Variants in NELL1 observed in about 807,000 individuals in gnomAD.
The protein encoded by NELL1 is protein kinase C-binding protein NELL1.
A neutral mutation model predicts 107.4 loss-of-function variants in NELL1; 76 were observed. The ratio of observed to expected loss-of-function variants is 0.71; its 90% confidence interval spans 0.59 to 0.86. The LOEUF is 0.86. Ranked by LOEUF, NELL1 falls within the 40% of genes least tolerant of loss-of-function variation. The pLI is 0.00. For missense variants in NELL1, 1,024 were observed against 1,005.5 expected (o/e 1.02, Z -0.25); for synonymous variants, 353 against 341.2 (o/e 1.03, Z -0.38).
intron 7 of NELL1, among the ~76,000 whole-genome samples, chr11:20,923,600 ACTCTGTCCTGCTATCAGATCCCAACTG>A (rs1850428025): frequency 6.6e-6 from 1 of 152,202 alleles, no homozygotes; most frequent in Non-Finnish European, 1.5e-5. Context: ...ATAGGGTCAG[ACTCTGTCCTGCTATCAGATCCCAACTG>A]CACTGTAATC....
intron 15 of NELL1, among the ~76,000 whole-genome samples, chr11:21,378,708 C>T (rs2133765040): frequency 7.0e-6 from 1 of 142,884 alleles, no homozygotes; most frequent in Non-Finnish European, 1.5e-5. Context: ...TAGACACACA[C>T]ACTTGTACAT....
intron 14 of NELL1, among the ~76,000 whole-genome samples, chr11:21,325,423 A>G (rs1850109004): frequency 1.3e-5 from 2 of 152,044 alleles, no homozygotes; most frequent in South Asian, 4.1e-4. Flanking sequence ...CTAAGGCTAC[A>G]CCAATTTAGT....
At position 20,919,180 on chromosome 11, in the gene NELL1, C is replaced by T. The variant is rs907297539; in HGVS notation, c.677-72C>T. 42 of 915,494 alleles carry T rather than the reference C, an allele frequency of 4.6e-5. No homozygotes were observed. The African/African-American group carries it at 7.1e-4, about 15-fold the overall frequency. 56.7% of individuals were successfully genotyped at this position (915,494 alleles called of 1,614,324 possible). ...AAAACTCTTCTACATAGTCACGTAT[C>T]TACTGTTTTAAAATTTTATTTCTTA... On this transcript the variant is annotated intron_variant, in intron 6 of 19. Coordinates refer to ENST00000357134, the MANE Select transcript of NELL1 (RefSeq NM_006157.5).
At chr11:21,432,049 T>C (rs1217584391) in intron 15 of NELL1, among the ~76,000 whole-genome samples, 1 of 152,180 alleles carries the variant, frequency 6.6e-6, no homozygotes, top group African/African-American at 2.4e-5. Flanking sequence ...GAGGCAATTA[T>C]AACAGTGTAT....
intron 15 of NELL1, among the ~76,000 whole-genome samples, chr11:21,389,568 A>G (rs988518321): frequency 2.6e-5 from 4 of 151,746 alleles, no homozygotes; most frequent in African/African-American, 9.7e-5. Flanking sequence ...ACTTTTGAAA[A>G]CTATGATATG....
chr11:21,385,620 C>CAGAAA (rs1851727008), intron 15 of NELL1, among the ~76,000 whole-genome samples: 4 of 151,902 alleles, frequency 2.6e-5, no homozygotes, highest in Non-Finnish European at 5.9e-5. Context: ...CCCAGTCTTA[C>CAGAAA]TCCTCCCTCA....
intron 2 of NELL1, among the ~76,000 whole-genome samples, chr11:20,700,033 G>T (rs2511366): frequency 0.27 from 29,083 of 105,960 alleles, 3,097 homozygotes; most frequent in African/African-American, 0.35. Context: ...TGATAATTAG[G>T]GACGTAGAAC....
chr11:21,187,009 A>G (rs897878132), intron 13 of NELL1, among the ~76,000 whole-genome samples: 1 of 151,886 alleles, frequency 6.6e-6, no homozygotes, highest in Non-Finnish European at 1.5e-5. Context: ...GTGAAATAGA[A>G]ATAATAATAT....
At chr11:21,117,897 C>T (rs1234005602) in intron 13 of NELL1, among the ~76,000 whole-genome samples, 1 of 151,928 alleles carries the variant, frequency 6.6e-6, no homozygotes, top group Non-Finnish European at 1.5e-5. Context: ...CTAGTTCCAT[C>T]CATCCACAAA....
chr11:21,225,341 T>C (rs1299696451), intron 13 of NELL1, among the ~76,000 whole-genome samples: 2 of 152,314 alleles, frequency 1.3e-5, no homozygotes, highest in African/African-American at 4.8e-5. Context: ...GATCAGGGCC[T>C]GTAAGGGCTG....
At chr11:21,517,548 G>A (rs1391076481) in intron 15 of NELL1, among the ~76,000 whole-genome samples, 1 of 152,134 alleles carries the variant, frequency 6.6e-6, no homozygotes, top group Non-Finnish European at 1.5e-5. Flanking sequence ...TCTTCGGAAT[G>A]TATGACCTTG....
intron 13 of NELL1, among the ~76,000 whole-genome samples, chr11:21,120,996 G>A (rs757205822): frequency 1.3e-5 from 2 of 152,102 alleles, no homozygotes; most frequent in Non-Finnish European, 2.9e-5. Context: ...CTTTATGGCA[G>A]AGATTCCCAA....
intron 12 of NELL1, among the ~76,000 whole-genome samples, chr11:21,084,468 A>T (rs1312465585): frequency 6.6e-6 from 1 of 152,202 alleles, no homozygotes; most frequent in East Asian, 1.9e-4. Flanking sequence ...GTTAACTCTT[A>T]TAGTGATCGC....
intron 10 of NELL1, among the ~76,000 whole-genome samples, chr11:20,944,354 A>G (rs2134194804): frequency 6.6e-6 from 1 of 152,290 alleles, no homozygotes; most frequent in East Asian, 1.9e-4. Flanking sequence ...ATCAACATGA[A>G]TAAACTCTCC....
At chr11:21,024,377 C>T (rs1470417770) in intron 12 of NELL1, among the ~76,000 whole-genome samples, 2 of 152,094 alleles carry the variant, frequency 1.3e-5, no homozygotes, top group Non-Finnish European at 2.9e-5. Context: ...CTTTGAAAAT[C>T]TGTCAGTATT....
chr11:21,043,858 G>T (rs573347925), intron 12 of NELL1, among the ~76,000 whole-genome samples: 2 of 152,124 alleles, frequency 1.3e-5, no homozygotes, highest in East Asian at 3.9e-4. Context: ...TTTAGTAACC[G>T]CAGATAATGG....
intron 12 of NELL1, among the ~76,000 whole-genome samples, chr11:21,053,156 AC>A (rs1415366990): frequency 1.3e-5 from 2 of 152,052 alleles, no homozygotes; most frequent in Non-Finnish European, 2.9e-5. Flanking sequence ...GTTCTGGGAT[AC>A]GTGTACAGAA....
intron 15 of NELL1, among the ~76,000 whole-genome samples, chr11:21,441,147 G>T (rs1200486639): frequency 6.6e-6 from 1 of 151,994 alleles, no homozygotes; most frequent in Non-Finnish European, 1.5e-5. Context: ...CAGAACTGGG[G>T]CTATTCTCCA....
At chr11:20,870,618 G>C (rs997304105) in intron 4 of NELL1, among the ~76,000 whole-genome samples, 1 of 152,086 alleles carries the variant, frequency 6.6e-6, no homozygotes, top group Admixed American at 6.6e-5. Flanking sequence ...AAAGGATTTG[G>C]AACTTCATCA....
Sources: gnomAD v4.1 joint callset for allele counts (sites outside exome capture counted in the v4.1 genomes callset) on GRCh38, gnomAD v4.1.1 for gene constraint, MANE v1.5 for transcripts, NCBI Gene and HGNC (gene_info 2026-07-23, HGNC 2026-07-21) for gene names.